PSAT1: variants seen among roughly 807,000 people sequenced by gnomAD.
PSAT1 encodes the protein phosphoserine aminotransferase 1, also known as phosphoserine aminotransferase.
Under a neutral mutation model 40.3 loss-of-function variants are expected in PSAT1, and 41 were observed. The ratio of observed to expected loss-of-function variants is 1.02; its 90% CI spans 0.79 to 1.32. The LOEUF (loss-of-function observed/expected upper bound fraction) is 1.32. Ranked by LOEUF, PSAT1 falls within the 40% of genes most tolerant of loss-of-function variation. The pLI, the probability that PSAT1 is intolerant of heterozygous loss-of-function variation, is 0.00. For synonymous variants in PSAT1, 147 were observed against 170.5 expected, an observed-to-expected ratio of 0.86 and a Z score of 1.07; for missense variants, 406 against 455.8, an observed-to-expected ratio of 0.89 and a Z score of 0.99.
intron 7 of PSAT1, among the ~76,000 whole-genome samples, chr9:78,321,439 C>T (rs1230731662): frequency 6.6e-6 from 1 of 152,164 alleles, no homozygotes; most frequent in Admixed American, 6.5e-5. Flanking sequence ...CAACATGGCC[C>T]CATGGGAGGT....
rs3780193 is a variant in PSAT1, at chr9:78,317,599, C to A, written c.741-77C>A. On this transcript the variant is annotated intron_variant, in intron 6 of 8. Transcript: ENST00000376588. The stretch of plus-strand genomic sequence containing the variant: ...GTTTAAGTCTGTTTTAATGCACCTT[C>A]AACAGCAGTTTGCTTGAATATAGTT... The A allele has an allele frequency of 0.2, 300,902 of 1,506,158 alleles. 30,738 individuals are homozygous for A. Among genetic ancestry groups the A allele is most frequent in the East Asian group, 0.34 (14,913 of 44,322 alleles). 93.3% of individuals were successfully genotyped at this position (1,506,158 alleles called of 1,614,324 possible). A position where few individuals can be genotyped will look rare whatever the true frequency, so the allele number is the denominator to read the frequency against.
chr9:78,315,462 C>G (rs540757913), intron 6 of PSAT1, among the ~76,000 whole-genome samples: 1 of 152,356 alleles, frequency 6.6e-6, no homozygotes, highest in East Asian at 1.9e-4. Context: ...CTTACTTTCT[C>G]TCTTCTGTCT....
intron 2 of PSAT1, 112 bp downstream of exon 2, chr9:78,300,774 G>A: frequency 1.4e-6 from 2 of 1,419,162 alleles, no homozygotes. Context: ...GGAGTACAGT[G>A]GCGTGATCAT....
chr9:78,324,795 G>A (rs186478922), intron 7 of PSAT1, among the ~76,000 whole-genome samples: 165 of 152,018 alleles, frequency 1.1e-3, no homozygotes, highest in Non-Finnish European at 2.2e-4. Context: ...AGTCCTCCAC[G>A]TTTAAAATGT....
chr9:78,327,098 G>A (rs1186400880), intron 7 of PSAT1, among the ~76,000 whole-genome samples: 1 of 150,602 alleles, frequency 6.6e-6, no homozygotes, highest in Non-Finnish European at 1.5e-5. Flanking sequence ...TGGGATTACA[G>A]GTGTGTGCCA....
chr9:78,313,587 A>C (rs1303639823), intron 6 of PSAT1, among the ~76,000 whole-genome samples: 1 of 152,182 alleles, frequency 6.6e-6, no homozygotes, highest in Non-Finnish European at 1.5e-5. Flanking sequence ...TCCACTCCAC[A>C]ATATACCATG....
At chr9:78,323,738 G>A (rs535575726) in intron 7 of PSAT1, among the ~76,000 whole-genome samples, 26 of 152,304 alleles carry the variant, frequency 1.7e-4, no homozygotes, top group Non-Finnish European at 3.7e-4. Context: ...GCCACCTCTT[G>A]TGGGAAGAGG....
chr9:78,327,997 A>G lies in PSAT1; in HGVS notation c.870-54A>G, dbSNP rs573343698. On this transcript the variant is annotated intron_variant, in intron 7 of 8. Transcript: ENST00000376588. The stretch of plus-strand genomic sequence containing the variant: ...GAAAAAAAAATCTGTTGATTTGTTT[A>G]TGACAACCCATACATTTCAGAAAAG... 98 of 1,578,310 alleles carry G rather than the reference A, an allele frequency of 6.2e-5. No individual in the cohort carries two copies. The African/African-American group carries it at 9.8e-4, about 16-fold the overall frequency.
intron 6 of PSAT1, among the ~76,000 whole-genome samples, chr9:78,310,344 C>T (rs1587639323): frequency 6.6e-6 from 1 of 152,308 alleles, no homozygotes; most frequent in Admixed American, 6.5e-5. Flanking sequence ...GCCATTAGTG[C>T]TCTCTCTTCA....
chr9:78,317,163 C>T (rs1425802458), intron 6 of PSAT1, among the ~76,000 whole-genome samples: 1 of 152,170 alleles, frequency 6.6e-6, no homozygotes, highest in Admixed American at 6.6e-5. Context: ...TTCTGAATGG[C>T]CCTCAGGGAT....
In PSAT1 at chr9:78,299,144, C is replaced by CAA. The variant is rs71360679; in HGVS notation, c.61-1431_61-1430dup. On this transcript the variant is annotated intron_variant, in intron 1 of 8. Transcript: ENST00000376588. The stretch of plus-strand genomic sequence containing the variant: ...GATAGAGCAAGACCCTGTCTCTTAA[C>CAA]AAAAAAAAAAAAAAAAAAAAAAAAA... Among the ~76,000 whole-genome samples the CAA allele has an allele frequency of 1.2e-3, 101 of 87,302 alleles. 3 individuals are homozygous for CAA. The highest frequency in any genetic ancestry group is 1.7e-3 in the African/African-American group (37 of 21,952). 57.3% of individuals were successfully genotyped at this position (87,302 alleles called of 152,430 possible).
Position 78,308,569 on chromosome 9 carries a change from G to A in PSAT1, c.726G>A (p.Thr242=), listed in dbSNP as rs190164317. Residue 242 remains threonine (T), a synonymous_variant, in exon 6 of 9, where the codon ACG becomes ACA. Transcript: ENST00000376588. ...CTGGAAACAGCTCCTTGTACAACAC[G>A]CCTCCATGTTTCAGGTAACTCTGGG... ...VQAGNSSLYN[T]PPCFSIYVMG... The A allele has an allele frequency of 8.1e-6, 13 of 1,613,874 alleles. No homozygotes were observed. Among genetic ancestry groups the A allele is most frequent in the African/African-American group, 8.0e-5 (6 of 74,862 alleles).
chr9:78,300,547 G>C (rs1828092077), intron 1 of PSAT1, 55 bp from the exon 2 acceptor site: 1 of 1,566,364 alleles, frequency 6.4e-7, no homozygotes, highest in Non-Finnish European at 8.7e-7. Context: ...ATGTTCAGAG[G>C]GAAAGCAGTG....
At chr9:78,327,731 T>G (rs1828521898) in intron 7 of PSAT1, among the ~76,000 whole-genome samples, 1 of 152,196 alleles carries the variant, frequency 6.6e-6, no homozygotes, top group Admixed American at 6.5e-5. Flanking sequence ...GTTGGAAGCT[T>G]CATATATGTA....
At chr9:78,301,303 C>T (rs866939305) in intron 2 of PSAT1, among the ~76,000 whole-genome samples, 2 of 152,112 alleles carry the variant, frequency 1.3e-5, no homozygotes, top group African/African-American at 2.4e-5. Flanking sequence ...TATAATATTG[C>T]TTTACATTCA....
At chr9:78,301,928 A>G (rs768701915) in intron 2 of PSAT1, 26 bp from the exon 3 acceptor site, 25 of 1,556,310 alleles carry the variant, frequency 1.6e-5, no homozygotes, top group Non-Finnish European at 1.3e-5. Flanking sequence ...AATATTTGTT[A>G]TTGTTGTTTA....
At chr9:78,297,355 C>G in intron 1 of PSAT1, 85 bp downstream of exon 1, 1 of 1,448,892 alleles carries the variant, frequency 6.9e-7, no homozygotes. Flanking sequence ...GTGTGGCAGT[C>G]GGATTCCCGC....
rs1014541510 is a variant in PSAT1 at position 78,319,385 on chromosome 9, G to A, written c.869+1581G>A. Among the ~76,000 whole-genome samples, 8 of 152,194 alleles carry A rather than the reference G, an allele frequency of 5.3e-5. No homozygotes were observed. In the South Asian group the frequency reaches 1.2e-3, roughly 24 times the overall value. ...AAGCCCAGGGGGAGTTAGGCTTGGC[G>A]GGATGCCTTGGCCTTTGGGCTCCTT... On this transcript the variant is annotated intron_variant, in intron 7 of 8. Coordinates refer to ENST00000376588, the MANE Select transcript of PSAT1 (RefSeq NM_058179.4).
At position 78,300,619 on chromosome 9, in the gene PSAT1, A is replaced by G; in HGVS notation, c.78A>G (p.Gln26=). ...TTTTCTAGGTGTTGTTAGAGATACAAAAGGAATTATTAGACTACAAAGGAG... is the reference window on the plus strand; with the variant it reads ...TTTTCTAGGTGTTGTTAGAGATACAGAAGGAATTATTAGACTACAAAGGAG... ...KLPHSVLLEI[Q]KELLDYKGVG... Residue 26 remains glutamine (Q), a synonymous_variant, in exon 2 of 9, where the codon CAA becomes CAG. Transcript: ENST00000376588. 6.2e-7 allele frequency: 1 copy of G among 1,611,564 alleles called. No individual in the cohort carries two copies.
Sources: gnomAD v4.1 joint callset for allele counts (sites outside exome capture counted in the v4.1 genomes callset) on GRCh38, gnomAD v4.1.1 for gene constraint, MANE v1.5 for transcripts, NCBI Gene and HGNC (gene_info 2026-07-23, HGNC 2026-07-21) for gene names.